The following NEGR1 variants were observed in gnomAD, a reference collection of about 807,000 sequenced individuals.
The protein encoded by NEGR1 is neuronal growth regulator 1, also known as IgLON family member 4.
NEGR1 carries 10 observed loss-of-function variants against 40.9 expected under a neutral mutation model. The observed-to-expected ratio is 0.24, with a 90% CI of 0.15 to 0.42. The LOEUF (loss-of-function observed/expected upper bound fraction) is 0.42, where lower values mean the gene tolerates loss of function less well. Among genes scored for constraint, NEGR1 ranks in the 10% least tolerant of loss-of-function variants. The pLI is 1.00. For synonymous variants in NEGR1, 185 were observed against 166.8 expected (o/e 1.11, Z -0.84); for missense variants, 352 against 438.9 (o/e 0.80, Z 1.77).
chr1:71,898,881 A>T (rs963583189), intron 2 of NEGR1, among the ~76,000 whole-genome samples: 3 of 74,800 alleles, frequency 4.0e-5, no homozygotes, highest in African/African-American at 1.5e-4. Context: ...ATATATTGCA[A>T]ATATATATAT....
At chr1:71,423,260 TG>T (rs1179836492) in intron 6 of NEGR1, among the ~76,000 whole-genome samples, 1 of 152,060 alleles carries the variant, frequency 6.6e-6, no homozygotes. Flanking sequence ...TGATATGTGT[TG>T]GCATATGCCT....
chr1:71,473,759 A>G (rs1371877443), intron 6 of NEGR1, among the ~76,000 whole-genome samples: 1 of 152,042 alleles, frequency 6.6e-6, no homozygotes, highest in African/African-American at 2.4e-5. Context: ...AGTCATCAAA[A>G]TATTCCCTTA....
At chr1:71,474,048 T>G (rs1646801933) in intron 6 of NEGR1, among the ~76,000 whole-genome samples, 1 of 152,012 alleles carries the variant, frequency 6.6e-6, no homozygotes, top group Non-Finnish European at 1.5e-5. Flanking sequence ...CTTTGACTGT[T>G]CAACCCATTG....
chr1:71,764,390 T>C (rs960069402), intron 3 of NEGR1, among the ~76,000 whole-genome samples: 1 of 152,264 alleles, frequency 6.6e-6, no homozygotes, highest in Non-Finnish European at 1.5e-5. Context: ...GGTTATGTTA[T>C]AAATCATTTT....
At chr1:71,958,565 C>T (rs549871894) in intron 1 of NEGR1, among the ~76,000 whole-genome samples, 2 of 152,262 alleles carry the variant, frequency 1.3e-5, no homozygotes, top group East Asian at 3.9e-4. Context: ...AAGGTACTTA[C>T]TCTGCCTCAA....
intron 1 of NEGR1, among the ~76,000 whole-genome samples, chr1:72,172,214 C>A (rs1023202580): frequency 4.6e-5 from 7 of 152,094 alleles, no homozygotes; most frequent in African/African-American, 9.7e-5. Flanking sequence ...AATAGAATTT[C>A]TTCCACCTTA....
At chr1:71,484,838 T>C (rs532837088) in intron 6 of NEGR1, 3 of 151,726 alleles carry the variant, frequency 2.0e-5, no homozygotes, top group East Asian at 3.9e-4. Context: ...AAAATCACAG[T>C]GAGTAAAATG....
chr1:71,757,965 G>T (rs948428779), intron 3 of NEGR1, among the ~76,000 whole-genome samples: 2 of 151,956 alleles, frequency 1.3e-5, no homozygotes, highest in Non-Finnish European at 2.9e-5. Context: ...CTTAATTTTG[G>T]ATGAGTTTTT....
At chr1:72,146,675 C>A (rs955413649) in intron 1 of NEGR1, among the ~76,000 whole-genome samples, 2 of 152,118 alleles carry the variant, frequency 1.3e-5, no homozygotes, top group Non-Finnish European at 1.5e-5. Flanking sequence ...CAAGATATCT[C>A]TTTACATATA....
At chr1:71,536,122 G>A (rs557205605) in intron 6 of NEGR1, among the ~76,000 whole-genome samples, 23 of 151,626 alleles carry the variant, frequency 1.5e-4, no homozygotes, top group Non-Finnish European at 2.9e-4. Context: ...AAGAAGAATG[G>A]CATGAGTAAG....
rs973178680 is a variant in NEGR1, at chr1:72,021,845, G to C, written c.177-86534C>G. ...AAAGTTAAAACTTTTTCAAAGCGTA[G>C]AAACAAGAGGCTGGGCACGGTGGCT... On this transcript the variant is annotated intron_variant, in intron 1 of 6. Transcript: ENST00000357731. Among the ~76,000 whole-genome samples the C allele has an allele frequency of 4.6e-4, 70 of 152,210 alleles. 1 individual carries two copies. Among genetic ancestry groups the C allele is most frequent in the Admixed American group, 3.5e-3 (54 of 15,282 alleles).
intron 6 of NEGR1, among the ~76,000 whole-genome samples, chr1:71,494,989 A>G (rs1646952541): frequency 6.6e-6 from 1 of 152,116 alleles, no homozygotes; most frequent in African/African-American, 2.4e-5. Context: ...GTTCACTTCC[A>G]CTTAATAACT....
intron 1 of NEGR1, among the ~76,000 whole-genome samples, chr1:72,053,481 G>C (rs1249044181): frequency 6.6e-6 from 1 of 150,648 alleles, no homozygotes; most frequent in Non-Finnish European, 1.5e-5. Flanking sequence ...ACTCTTGCCA[G>C]TTAAATTAAG....
chr1:71,812,439 T>A (rs1264000950), intron 2 of NEGR1, among the ~76,000 whole-genome samples: 2 of 152,170 alleles, frequency 1.3e-5, no homozygotes, highest in African/African-American at 2.4e-5. Context: ...GGTCAAATGG[T>A]ATTTCTGGTT....
At chr1:71,882,704 T>G (rs1660614426) in intron 2 of NEGR1, among the ~76,000 whole-genome samples, 1 of 136,868 alleles carries the variant, frequency 7.3e-6, no homozygotes, top group Non-Finnish European at 1.6e-5. Context: ...CACTACCTAC[T>G]AAAAAATCTT....
At chr1:72,276,417 G>A (rs1656049406) in intron 1 of NEGR1, among the ~76,000 whole-genome samples, 2 of 151,934 alleles carry the variant, frequency 1.3e-5, no homozygotes, top group South Asian at 4.1e-4. Context: ...TACAAGCAGG[G>A]TTTAATCATA....
chr1:71,720,744 G>T (rs1433518385), intron 3 of NEGR1, among the ~76,000 whole-genome samples: 2 of 152,060 alleles, frequency 1.3e-5, no homozygotes, highest in African/African-American at 4.8e-5. Flanking sequence ...GCAAAATCAG[G>T]TTTTTAATGA....
intron 3 of NEGR1, among the ~76,000 whole-genome samples, chr1:71,772,695 C>T (rs945905433): frequency 1.3e-5 from 2 of 151,836 alleles, no homozygotes; most frequent in African/African-American, 2.4e-5. Flanking sequence ...GTCTATTCTT[C>T]AGAAATTAAC....
At chr1:71,443,630 A>G (rs974747871) in intron 6 of NEGR1, among the ~76,000 whole-genome samples, 5 of 152,202 alleles carry the variant, frequency 3.3e-5, no homozygotes, top group South Asian at 2.1e-4. Flanking sequence ...GTTATCAGGT[A>G]CTGAGGATAC....
Sources: gnomAD v4.1 joint callset for allele counts (sites outside exome capture counted in the v4.1 genomes callset) on GRCh38, gnomAD v4.1.1 for gene constraint, MANE v1.5 for transcripts, NCBI Gene and HGNC (gene_info 2026-07-23, HGNC 2026-07-21) for gene names.